NELL2: variants seen among roughly 807,000 people sequenced by gnomAD.
NELL2 encodes the protein neural EGFL like 2.
In NELL2, 41 loss-of-function variants were observed where a neutral mutation model predicts 109.6. The ratio of observed to expected loss-of-function variants is 0.37; its 90% CI spans 0.29 to 0.49. The LOEUF is 0.49. Ranked by LOEUF, NELL2 falls within the 20% of genes least tolerant of loss-of-function variation. NELL2 has a pLI of 0.98. For missense variants in NELL2, 900 were observed against 1,008.3 expected (o/e 0.89, Z 1.45); for synonymous variants, 355 against 344.7 (o/e 1.03, Z -0.33).
At chr12:44,599,309 A>C (rs1469829512) in intron 15 of NELL2, among the ~76,000 whole-genome samples, 1 of 152,156 alleles carries the variant, frequency 6.6e-6, no homozygotes, top group Non-Finnish European at 1.5e-5. Context: ...TAAATTTTAT[A>C]ATATAATATG....
Position 44,741,661 on chromosome 12 carries a change from G to A in NELL2, c.995-26920C>T, listed in dbSNP as rs189222963. 3.7e-3 allele frequency among the ~76,000 whole-genome samples: 570 copies of A among 152,332 alleles called. 4 individuals are homozygous for A. Among genetic ancestry groups the A allele is most frequent in the African/African-American group, 0.013 (538 of 41,580 alleles). On this transcript the variant is annotated intron_variant, in intron 9 of 19. Transcript: ENST00000429094. ...ATGGCACACCAGGAGATTATATCCC[G>A]CATCTGGCTCGGAGGGTCCTACGCC... is the stretch of plus-strand genomic sequence containing the variant.
chr12:44,887,609 C>T (rs1343673234), intron 1 of NELL2, among the ~76,000 whole-genome samples: 1 of 150,686 alleles, frequency 6.6e-6, no homozygotes, highest in Non-Finnish European at 1.5e-5. Flanking sequence ...ATTTTTTAAT[C>T]AAATTATTTG....
chr12:44,731,466 C>T (rs1418372163), intron 9 of NELL2, among the ~76,000 whole-genome samples: 1 of 151,914 alleles, frequency 6.6e-6, no homozygotes, highest in Admixed American at 6.6e-5. Flanking sequence ...ATATGATACA[C>T]CATGTTAAAA....
chr12:44,630,187 G>A (rs911269066), intron 13 of NELL2, among the ~76,000 whole-genome samples: 1 of 152,162 alleles, frequency 6.6e-6, no homozygotes, highest in African/African-American at 2.4e-5. Context: ...TCAAGCTTAT[G>A]TTTAGCTATT....
chr12:44,704,940 A>G (rs1448509385), intron 11 of NELL2, among the ~76,000 whole-genome samples: 2 of 150,298 alleles, frequency 1.3e-5, no homozygotes, highest in African/African-American at 4.9e-5. Flanking sequence ...AATTGCTTCA[A>G]CCCGGGAGGC....
chr12:44,711,135 C>T (rs990340298), intron 11 of NELL2, among the ~76,000 whole-genome samples, 157 bp downstream of exon 11: 1 of 152,028 alleles, frequency 6.6e-6, no homozygotes, highest in Non-Finnish European at 1.5e-5. Flanking sequence ...TCATGACTAC[C>T]TACTGTGCTA....
chr12:44,875,082 G>A, intron 2 of NELL2, 143 bp downstream of exon 2: 1 of 1,075,614 alleles, frequency 9.3e-7, no homozygotes, highest in Non-Finnish European at 1.3e-6. Context: ...ATAGGGATAT[G>A]TGTCTCACAC....
In NELL2 at chr12:44,766,609, G is replaced by A. The variant is rs546046566; in HGVS notation, c.994+8138C>T. On this transcript the variant is annotated intron_variant, in intron 9 of 19. Transcript: ENST00000429094. ...GTTGCATTTTCTGCCTAGGTTGAGTGTTTTTCTTCTCTCTTAAATTGGGTC... is the reference window on the plus strand; with the variant it reads ...GTTGCATTTTCTGCCTAGGTTGAGTATTTTTCTTCTCTCTTAAATTGGGTC... Among the ~76,000 whole-genome samples, 160 of 152,274 alleles carry A rather than the reference G, an allele frequency of 1.1e-3. 1 individual carries two copies. Among genetic ancestry groups the A allele is most frequent in the African/African-American group, 3.7e-3 (155 of 41,558 alleles).
At chr12:44,525,455 T>C (rs186406627) in intron 16 of NELL2, among the ~76,000 whole-genome samples, 1 of 152,222 alleles carries the variant, frequency 6.6e-6, no homozygotes, top group African/African-American at 2.4e-5. Context: ...TCCAAGGAGT[T>C]TGAGTTAGTT....
rs567012744 is a variant in NELL2, at chr12:44,848,030, CAAAA to C, written c.184+27191_184+27194del. Among the ~76,000 whole-genome samples the C allele has an allele frequency of 5.8e-5, 4 of 69,370 alleles. No individual in the cohort carries two copies. In the South Asian group the frequency reaches 1.4e-3, roughly 25 times the overall value. 45.5% of individuals were successfully genotyped at this position (69,370 alleles called of 152,430 possible). A position where few individuals can be genotyped will look rare whatever the true frequency, so the allele number is the denominator to read the frequency against. On this transcript the variant is annotated intron_variant, in intron 2 of 19. Coordinates refer to ENST00000429094, the MANE Select transcript of NELL2 (RefSeq NM_001145108.2). ...TGGGCGACAGAGTGAAACTCTGTCT[CAAAA>C]AAAAAAAAAAAAAAGGCAGAAAAAG...
At chr12:44,684,869 T>G (rs1948660049) in intron 12 of NELL2, among the ~76,000 whole-genome samples, 1 of 152,166 alleles carries the variant, frequency 6.6e-6, no homozygotes, top group Admixed American at 6.5e-5. Flanking sequence ...AGGTGTGGTG[T>G]GGTGCTGAAA....
chr12:44,609,878 C>T (rs116126004), intron 14 of NELL2, among the ~76,000 whole-genome samples: 7 of 152,008 alleles, frequency 4.6e-5, no homozygotes, highest in South Asian at 2.1e-4. Context: ...ATAAAGGACA[C>T]GGTATATTTG....
At position 44,899,421 on chromosome 12, in the gene NELL2, G is replaced by A. The variant is rs1945633803; in HGVS notation, c.38+14378C>T. Among the ~76,000 whole-genome samples, 6 of 152,158 alleles carry A rather than the reference G, an allele frequency of 3.9e-5. No homozygotes were observed. In the South Asian group the frequency reaches 1.0e-3, roughly 26 times the overall value. On this transcript the variant is annotated intron_variant, in intron 1 of 20. Transcript: ENST00000333837. ...CAGACATACAGAGGATCCCTCTGCAGAAACCCTACAAGCCAGAAGAGAGTG... is the reference window on the plus strand; with the variant it reads ...CAGACATACAGAGGATCCCTCTGCAAAAACCCTACAAGCCAGAAGAGAGTG...
At chr12:44,902,383 T>A (rs1397046015) in intron 1 of NELL2, among the ~76,000 whole-genome samples, 1 of 152,168 alleles carries the variant, frequency 6.6e-6, no homozygotes, top group Non-Finnish European at 1.5e-5. Context: ...TAAAAACCGC[T>A]GCTCAAGGAA....
intron 12 of NELL2, among the ~76,000 whole-genome samples, chr12:44,688,040 A>G (rs1448066605): frequency 6.6e-6 from 1 of 152,218 alleles, no homozygotes; most frequent in East Asian, 1.9e-4. Flanking sequence ...ATTATCAAGT[A>G]TTTTAACCTG....
At position 44,791,080 on chromosome 12, in the gene NELL2, T is replaced by TATATATAC. The variant is rs1227249223; in HGVS notation, c.336-11059_336-11058insGTATATAT. Among the ~76,000 whole-genome samples the TATATATAC allele has an allele frequency of 1.4e-3, 42 of 30,954 alleles. 3 individuals carry two copies. The highest frequency in any genetic ancestry group is 4.2e-3 in the East Asian group (3 of 716). The allele number at this position is 30,954 out of a possible 152,430, so 20.3% of individuals were successfully genotyped here. Reference sequence around the variant, plus strand: ...GAAAGTTCAAGTATATATATATATATACATATATATATATATGTATATATA... The same window carrying TATATATAC: ...GAAAGTTCAAGTATATATATATATATATATATACACATATATATATATATGTATATATA... On this transcript the variant is annotated intron_variant, in intron 3 of 19. Transcript: ENST00000429094.
chr12:44,815,872 T>C (rs1846208008), intron 3 of NELL2, 114 bp downstream of exon 3: 1 of 1,219,412 alleles, frequency 8.2e-7, no homozygotes, highest in Non-Finnish European at 1.1e-6. Flanking sequence ...CCACCTCGGC[T>C]TCCCAAATCA....
At chr12:44,711,620 C>T (rs969590026) in intron 10 of NELL2, among the ~76,000 whole-genome samples, 3 of 152,044 alleles carry the variant, frequency 2.0e-5, no homozygotes, top group Non-Finnish European at 4.4e-5. Flanking sequence ...GATTCCACCA[C>T]ACTGCAGCCA....
At chr12:44,610,123 A>C (rs1364518649) in intron 14 of NELL2, among the ~76,000 whole-genome samples, 1 of 151,970 alleles carries the variant, frequency 6.6e-6, no homozygotes, top group African/African-American at 2.4e-5. Flanking sequence ...TGGGACATTT[A>C]AAAGAATGAT....
Sources: gnomAD v4.1 joint callset for allele counts (sites outside exome capture counted in the v4.1 genomes callset) on GRCh38, gnomAD v4.1.1 for gene constraint, MANE v1.5 for transcripts, NCBI Gene and HGNC (gene_info 2026-07-23, HGNC 2026-07-21) for gene names.